The following PPP2R2B variants were observed in gnomAD, a reference collection of about 807,000 sequenced individuals.
PPP2R2B encodes the protein protein phosphatase 2 regulatory subunit Bbeta, also known as serine/threonine-protein phosphatase 2A 55 kDa regulatory subunit B beta isoform.
A neutral mutation model predicts 46.0 loss-of-function variants in PPP2R2B; 5 were observed. That is an observed-to-expected ratio of 0.11 (90% confidence interval 0.06 to 0.23). The LOEUF is 0.23. PPP2R2B is among the 10% of genes least tolerant of loss of function. PPP2R2B has a pLI of 1.00. For synonymous variants in PPP2R2B, 215 were observed against 206.7 expected (o/e 1.04, Z -0.34); for missense variants, 367 against 575.0 (o/e 0.64, Z 3.70).
At chr5:146,931,094 C>T (rs976034088) in intron 1 of PPP2R2B, among the ~76,000 whole-genome samples, 1 of 151,876 alleles carries the variant, frequency 6.6e-6, no homozygotes, top group Non-Finnish European at 1.5e-5. Flanking sequence ...CTCTATAGTT[C>T]TATACTCTAT....
At chr5:146,804,621 A>T (rs1757066342) in intron 2 of PPP2R2B, among the ~76,000 whole-genome samples, 1 of 152,220 alleles carries the variant, frequency 6.6e-6, no homozygotes, top group Non-Finnish European at 1.5e-5. Context: ...CAAAATCAGA[A>T]TCTGTTTAGA....
At chr5:146,950,545 C>T (rs1479745259) in intron 1 of PPP2R2B, among the ~76,000 whole-genome samples, 2 of 152,046 alleles carry the variant, frequency 1.3e-5, no homozygotes, top group African/African-American at 2.4e-5. Context: ...GGTTCAACTG[C>T]TCTGAGACAA....
intron 1 of PPP2R2B, among the ~76,000 whole-genome samples, chr5:147,012,820 C>T (rs986223018): frequency 4.6e-5 from 7 of 151,920 alleles, no homozygotes; most frequent in Admixed American, 4.6e-4. Context: ...TTTATTTCTG[C>T]CTTCATTTCG....
intron 5 of PPP2R2B, among the ~76,000 whole-genome samples, chr5:146,675,264 C>T (rs1340442003): frequency 1.3e-5 from 2 of 152,172 alleles, no homozygotes; most frequent in Non-Finnish European, 1.5e-5. Context: ...CCCGCCGATA[C>T]TTGGTATTTT....
At chr5:146,750,854 G>T (rs918865859) in intron 2 of PPP2R2B, among the ~76,000 whole-genome samples, 1 of 152,064 alleles carries the variant, frequency 6.6e-6, no homozygotes, top group Non-Finnish European at 1.5e-5. Flanking sequence ...ACGTTGGTAC[G>T]CTGGATCCAG....
intron 2 of PPP2R2B, among the ~76,000 whole-genome samples, chr5:146,780,805 A>G (rs1755463683): frequency 6.6e-6 from 1 of 152,086 alleles, no homozygotes; most frequent in African/African-American, 2.4e-5. Context: ...TTCAAACACC[A>G]TCTAGAATAT....
intron 2 of PPP2R2B, among the ~76,000 whole-genome samples, chr5:146,772,966 C>G (rs1489718511): frequency 1.3e-5 from 2 of 152,150 alleles, no homozygotes; most frequent in Non-Finnish European, 2.9e-5. Flanking sequence ...AAGACTTAAG[C>G]TTTTCAGATG....
At chr5:146,881,367 G>T (rs1317888989), upstream of PPP2R2B, among the ~76,000 whole-genome samples, 1 of 150,470 alleles carries the variant, frequency 6.6e-6, no homozygotes, top group African/African-American at 2.4e-5. Flanking sequence ...ACTTATTATT[G>T]TTGGCCATTT....
intron 2 of PPP2R2B, among the ~76,000 whole-genome samples, chr5:146,859,909 G>C (rs1446633799): frequency 6.6e-6 from 1 of 151,398 alleles, no homozygotes; most frequent in Non-Finnish European, 1.5e-5. Flanking sequence ...TTTGTGTAGG[G>C]AAAAAAAAGA....
At chr5:146,877,677 C>A (rs1160702385) in intron 2 of PPP2R2B, among the ~76,000 whole-genome samples, 9 of 152,122 alleles carry the variant, frequency 5.9e-5, no homozygotes, top group Admixed American at 5.9e-4. Context: ...CCCCCCAAGA[C>A]CCCTGCGAAC....
At chr5:146,871,507 T>G (rs1037755641) in intron 2 of PPP2R2B, among the ~76,000 whole-genome samples, 2 of 152,216 alleles carry the variant, frequency 1.3e-5, no homozygotes, top group Non-Finnish European at 2.9e-5. Context: ...TTTTCTGTTC[T>G]TATTATATAA....
intron 3 of PPP2R2B, among the ~76,000 whole-genome samples, chr5:146,699,647 T>C (rs925756788): frequency 6.8e-6 from 1 of 146,652 alleles, no homozygotes; most frequent in Non-Finnish European, 1.5e-5. Flanking sequence ...TTATCATCAC[T>C]GCGAACTTAA....
At chr5:147,022,184 C>T (rs917593820) in intron 1 of PPP2R2B, among the ~76,000 whole-genome samples, 2 of 151,988 alleles carry the variant, frequency 1.3e-5, no homozygotes, top group South Asian at 4.2e-4. Flanking sequence ...AGGAAACTAT[C>T]AAGTCATTGA....
chr5:146,925,847 A>T (rs1763765894), intron 1 of PPP2R2B, among the ~76,000 whole-genome samples: 1 of 151,990 alleles, frequency 6.6e-6, no homozygotes, highest in South Asian at 2.1e-4. Flanking sequence ...TTTTCTCACC[A>T]TTCTCTAGAT....
chr5:146,978,186 G>T (rs1753005615), intron 1 of PPP2R2B, among the ~76,000 whole-genome samples: 1 of 152,114 alleles, frequency 6.6e-6, no homozygotes, highest in African/African-American at 2.4e-5. Context: ...TTTAAGAAGT[G>T]TCTGTTCATA....
intron 2 of PPP2R2B, among the ~76,000 whole-genome samples, chr5:146,870,870 C>A (rs769242501): frequency 2.6e-5 from 4 of 152,196 alleles, no homozygotes; most frequent in African/African-American, 4.8e-5. Context: ...TACCCCCATA[C>A]AAGCACACAC....
intron 2 of PPP2R2B, among the ~76,000 whole-genome samples, chr5:146,711,464 T>C (rs926518691): frequency 6.6e-6 from 1 of 152,218 alleles, no homozygotes. Flanking sequence ...TTGATGATTT[T>C]AGAATGAGAT....
At chr5:146,615,530 AG>A (rs1294723164) in intron 7 of PPP2R2B, among the ~76,000 whole-genome samples, 140 of 143,032 alleles carry the variant, frequency 9.8e-4, no homozygotes, top group African/African-American at 3.4e-3. Flanking sequence ...AAAAAAAAAA[AG>A]AAAAAAAAAA....
intron 2 of PPP2R2B, among the ~76,000 whole-genome samples, chr5:146,856,767 T>C (rs1327719531): frequency 6.6e-6 from 1 of 152,142 alleles, no homozygotes; most frequent in Non-Finnish European, 1.5e-5. Context: ...AAAGCTTCCT[T>C]GCCTCAGCCC....
Sources: gnomAD v4.1 joint callset for allele counts (sites outside exome capture counted in the v4.1 genomes callset) on GRCh38, gnomAD v4.1.1 for gene constraint, MANE v1.5 for transcripts, NCBI Gene and HGNC (gene_info 2026-07-23, HGNC 2026-07-21) for gene names.